Variants in EYA2 observed in about 807,000 individuals in gnomAD.
EYA2 encodes the protein protein phosphatase EYA2.
A neutral mutation model predicts 69.2 loss-of-function variants in EYA2; 31 were observed. The ratio of observed to expected loss-of-function variants is 0.45; its 90% CI spans 0.34 to 0.60. EYA2 has a LOEUF of 0.60. Ranked by LOEUF, EYA2 falls within the 20% of genes least tolerant of loss-of-function variation. The pLI is 0.02. For synonymous variants in EYA2, 257 were observed against 279.4 expected (o/e 0.92, Z 0.80); for missense variants, 622 against 701.2 (o/e 0.89, Z 1.28).
intron 7 of EYA2, among the ~76,000 whole-genome samples, chr20:47,087,603 A>T (rs2031936890): frequency 6.6e-6 from 1 of 152,256 alleles, no homozygotes; most frequent in Non-Finnish European, 1.5e-5. Context: ...GTAAGCAGCA[A>T]CACAGCTCTG....
chr20:47,094,271 G>C (rs1452726883), intron 8 of EYA2, among the ~76,000 whole-genome samples: 1 of 152,210 alleles, frequency 6.6e-6, no homozygotes, highest in Non-Finnish European at 1.5e-5. Flanking sequence ...AATTTCCTAA[G>C]TTCAACCCCA....
At chr20:47,047,967 C>T (rs1463185946) in intron 5 of EYA2, among the ~76,000 whole-genome samples, 3 of 152,078 alleles carry the variant, frequency 2.0e-5, no homozygotes, top group Admixed American at 6.5e-5. Flanking sequence ...CATGAGCCAC[C>T]GCGCCCCTGC....
intron 1 of EYA2, among the ~76,000 whole-genome samples, chr20:46,895,824 A>G (rs1436215802): frequency 2.0e-5 from 3 of 152,218 alleles, no homozygotes; most frequent in Admixed American, 2.0e-4. Context: ...ACGTACTCCT[A>G]TCGCAAAAGA....
chr20:47,117,768 A>G (rs907378878), intron 9 of EYA2: 24 of 868,680 alleles, frequency 2.8e-5, no homozygotes, highest in Admixed American at 6.2e-5. Flanking sequence ...TCAGAGGACC[A>G]CAGATTCTTT....
Position 47,097,073 on chromosome 20 carries a change from C to A in EYA2, c.805-12C>A, listed in dbSNP as rs1232117979. ...CCATTTTTCTCCATTCTCTTCCTCT[C>A]TTTCATCACAGCGTGTGTTCGTGTG... On this transcript the variant is annotated splice_polypyrimidine_tract_variant and intron_variant, in intron 8 of 15. Coordinates refer to ENST00000327619, the MANE Select transcript of EYA2 (RefSeq NM_005244.5). The A allele has an allele frequency of 3.1e-5, 49 of 1,605,068 alleles. No homozygotes were observed. Among genetic ancestry groups the A allele is most frequent in the Non-Finnish European group, 4.1e-5 (48 of 1,174,972 alleles).
At chr20:46,983,457 G>A (rs1451249428) in intron 1 of EYA2, among the ~76,000 whole-genome samples, 1 of 152,162 alleles carries the variant, frequency 6.6e-6, no homozygotes, top group Non-Finnish European at 1.5e-5. Context: ...TAGGGTCCCA[G>A]TTAAAAGTTT....
At chr20:47,073,944 C>T (rs545502971) in intron 6 of EYA2, among the ~76,000 whole-genome samples, 2 of 152,212 alleles carry the variant, frequency 1.3e-5, no homozygotes, top group East Asian at 1.9e-4. Context: ...CTCACTTCCC[C>T]GATCCCCTGC....
At chr20:47,157,998 G>A (rs1230283315) in intron 10 of EYA2, among the ~76,000 whole-genome samples, 2 of 151,962 alleles carry the variant, frequency 1.3e-5, no homozygotes, top group Non-Finnish European at 2.9e-5. Context: ...TGCGGTCGTC[G>A]CTGCTGAAGT....
chr20:46,985,332 G>T (rs1354244417), intron 1 of EYA2, among the ~76,000 whole-genome samples: 1 of 152,154 alleles, frequency 6.6e-6, no homozygotes, highest in Admixed American at 6.5e-5. Context: ...CATTGGCTTG[G>T]CCTTCAAGAA....
At chr20:47,013,466 C>G (rs1934841) in intron 4 of EYA2, among the ~76,000 whole-genome samples, 1 of 151,118 alleles carries the variant, frequency 6.6e-6, no homozygotes, top group Admixed American at 6.7e-5. Flanking sequence ...GAGGCAGCAA[C>G]TTTTGTCTTG....
At chr20:46,913,474 G>A (rs2146226685) in intron 1 of EYA2, among the ~76,000 whole-genome samples, 1 of 152,288 alleles carries the variant, frequency 6.6e-6, no homozygotes, top group Non-Finnish European at 1.5e-5. Context: ...TGGGATCTGA[G>A]CAGAGGAAGG....
At chr20:46,999,196 A>G (rs6094548) in intron 2 of EYA2, among the ~76,000 whole-genome samples, 6,416 of 152,288 alleles carry the variant, frequency 0.042, 448 homozygotes, top group African/African-American at 0.15. Flanking sequence ...TTATGAAAGA[A>G]AACATTTAAA....
intron 9 of EYA2, chr20:47,117,500 C>T (rs1453922870): frequency 3.0e-6 from 3 of 985,298 alleles, no homozygotes; most frequent in Admixed American, 6.1e-5. Flanking sequence ...CAGTCCTCCC[C>T]GATTCCTCCG....
At chr20:47,123,132 A>G (rs985015368) in intron 9 of EYA2, among the ~76,000 whole-genome samples, 3 of 152,204 alleles carry the variant, frequency 2.0e-5, no homozygotes, top group Admixed American at 2.0e-4. Flanking sequence ...CCTATGTAGT[A>G]AAGAGTTTTT....
chr20:46,960,838 C>T (rs1452767375), intron 1 of EYA2, among the ~76,000 whole-genome samples: 1 of 152,178 alleles, frequency 6.6e-6, no homozygotes, highest in African/African-American at 2.4e-5. Flanking sequence ...AACTACCATC[C>T]TGCCATCCAA....
intron 10 of EYA2, among the ~76,000 whole-genome samples, chr20:47,149,853 A>G (rs2033788313): frequency 6.6e-6 from 1 of 152,164 alleles, no homozygotes; most frequent in African/African-American, 2.4e-5. Flanking sequence ...CTTCATCTCA[A>G]AATAAGTAAA....
intron 10 of EYA2, among the ~76,000 whole-genome samples, chr20:47,157,594 AG>A (rs2033980536): frequency 6.6e-6 from 1 of 151,958 alleles, no homozygotes; most frequent in African/African-American, 2.4e-5. Flanking sequence ...ACTAAAATCC[AG>A]GGGAGGTTGT....
chr20:46,905,193 C>CAA (rs11475669), intron 1 of EYA2, among the ~76,000 whole-genome samples: 23 of 149,140 alleles, frequency 1.5e-4, no homozygotes, highest in African/African-American at 5.2e-4. Flanking sequence ...TTAATCCTCT[C>CAA]AAAAAAAAAA....
intron 1 of EYA2, among the ~76,000 whole-genome samples, chr20:46,967,909 T>A (rs1241469654): frequency 5.9e-5 from 9 of 152,190 alleles, no homozygotes; most frequent in Non-Finnish European, 2.9e-5. Flanking sequence ...CATCCCTCCT[T>A]GCAGGCCAAC....
Sources: allele counts gnomAD v4.1 joint callset (sites outside exome capture counted in the v4.1 genomes callset), GRCh38; gene constraint gnomAD v4.1.1; transcripts MANE v1.5; gene names NCBI Gene and HGNC (gene_info 2026-07-23, HGNC 2026-07-21).